Variants in C4orf50 observed in about 807,000 individuals in gnomAD.
The protein encoded by C4orf50 is chromosome 4 open reading frame 50.
Under a neutral mutation model 77.2 loss-of-function variants are expected in C4orf50, and 80 were observed. The ratio of observed to expected loss-of-function variants is 1.04; its 90% confidence interval spans 0.87 to 1.25. The LOEUF is 1.25. C4orf50 is among the 50% of genes most tolerant of loss of function. The pLI is 0.00. For synonymous variants in C4orf50, 532 were observed against 465.3 expected (o/e 1.14, Z -1.84); for missense variants, 1,257 against 1,152.9 (o/e 1.09, Z -1.31).
At chr4:5,983,565 C>A (rs1455082093) in intron 28 of C4orf50, among the ~76,000 whole-genome samples, 4 of 152,180 alleles carry the variant, frequency 2.6e-5, no homozygotes, top group Non-Finnish European at 5.9e-5. Context: ...TGGTATTGGA[C>A]AACTATAGAA....
intron 33 of C4orf50, among the ~76,000 whole-genome samples, chr4:5,962,598 C>A (rs768828394): frequency 6.6e-6 from 1 of 152,208 alleles, no homozygotes; most frequent in African/African-American, 2.4e-5. Flanking sequence ...ATCCAGGCCA[C>A]GCACCATCTG....
At chr4:5,960,154 C>A (rs1366059468) in intron 33 of C4orf50, among the ~76,000 whole-genome samples, 1 of 152,214 alleles carries the variant, frequency 6.6e-6, no homozygotes, top group Non-Finnish European at 1.5e-5. Flanking sequence ...ATTCTAAATG[C>A]CTTCATTAAA....
At chr4:5,981,593 G>A (rs1267179858) in intron 28 of C4orf50, among the ~76,000 whole-genome samples, 5 of 151,736 alleles carry the variant, frequency 3.3e-5, no homozygotes, top group Non-Finnish European at 7.4e-5. Flanking sequence ...TAGTAGAGAC[G>A]GGGTTTCTCC....
chr4:5,931,717 C>T (rs1044195453), intron 7 of C4orf50, among the ~76,000 whole-genome samples: 5 of 152,258 alleles, frequency 3.3e-5, no homozygotes, highest in South Asian at 4.1e-4. Context: ...TCTCGTTCAG[C>T]TCTGCCTCCT....
At chr4:5,969,634 G>C (rs986692041) in intron 31 of C4orf50, among the ~76,000 whole-genome samples, 3 of 152,050 alleles carry the variant, frequency 2.0e-5, no homozygotes, top group African/African-American at 7.2e-5. Context: ...TTGGGTGCCT[G>C]TGTGTGACAG....
At chr4:5,921,702 T>C (rs531367311) in intron 7 of C4orf50, among the ~76,000 whole-genome samples, 1 of 152,176 alleles carries the variant, frequency 6.6e-6, no homozygotes, top group Non-Finnish European at 1.5e-5. Flanking sequence ...GGTGGAAAGC[T>C]TCCATGCAAA....
chr4:5,965,061 T>A, exon 33 of C4orf50: 1 of 1,613,716 alleles, frequency 6.2e-7, no homozygotes, highest in South Asian at 1.1e-5. Flanking sequence ...TGCTGGCCAC[T>A]CCGGCTCGGG....
At chr4:6,002,653 C>T (rs561845591) in intron 25 of C4orf50, among the ~76,000 whole-genome samples, 3 of 152,316 alleles carry the variant, frequency 2.0e-5, no homozygotes, top group Admixed American at 1.3e-4. Context: ...CAGAGCTTCC[C>T]CCCACCAGGT....
downstream of C4orf50, among the ~76,000 whole-genome samples, chr4:5,956,325 G>C (rs1718955968): frequency 6.6e-6 from 1 of 152,152 alleles, no homozygotes; most frequent in Non-Finnish European, 1.5e-5. Context: ...AACTCAGAGG[G>C]CACTTCCTCC....
intron 30 of C4orf50, among the ~76,000 whole-genome samples, chr4:5,975,240 G>T (rs1488483531): frequency 6.6e-6 from 1 of 150,544 alleles, no homozygotes; most frequent in East Asian, 2.0e-4. Flanking sequence ...AAAGGAAGGG[G>T]CTTGAGCACA....
chr4:5,975,139 CA>C (rs763836859), intron 30 of C4orf50, among the ~76,000 whole-genome samples: 3 of 82,832 alleles, frequency 3.6e-5, no homozygotes, highest in African/African-American at 1.2e-4. Context: ...CACTCCATCT[CA>C]AAAAAAAAAA....
chr4:5,972,345 C>A (rs1286817002), intron 31 of C4orf50, among the ~76,000 whole-genome samples: 1 of 152,128 alleles, frequency 6.6e-6, no homozygotes, highest in Admixed American at 6.5e-5. Flanking sequence ...TATCAGGCCC[C>A]TAGTGGATCC....
chr4:5,935,216 T>C (rs1717953900), intron 7 of C4orf50, among the ~76,000 whole-genome samples: 1 of 152,222 alleles, frequency 6.6e-6, no homozygotes, highest in Admixed American at 6.5e-5. Flanking sequence ...AAGGCTGCCC[T>C]GGCCTCTGTA....
At position 5,970,557 on chromosome 4, in the gene C4orf50, C is replaced by G. The variant is rs906380159; in HGVS notation, c.4105-3095G>C. Among the ~76,000 whole-genome samples the G allele has an allele frequency of 3.3e-5, 5 of 152,142 alleles. No homozygotes were observed. Among genetic ancestry groups the G allele is most frequent in the Non-Finnish European group, 7.3e-5 (5 of 68,030 alleles). The stretch of plus-strand genomic sequence containing the variant: ...GCCAGCACAGACAGCGGTGCTGGGA[C>G]CCGTGGCCCCCAGCCCAACACCACA... On this transcript the variant is annotated intron_variant, in intron 31 of 33. Transcript: ENST00000531445. This position sits in a 1 kb window ranked among gnomAD's most constrained non-coding sequence, Gnocchi z 4.3.
exon 30 of C4orf50, chr4:5,975,919 A>G (rs751505083): frequency 6.2e-7 from 1 of 1,613,938 alleles, no homozygotes; most frequent in Admixed American, 1.7e-5. Flanking sequence ...GTCACTGCCA[A>G]CTTTGCTTCA....
chr4:5,930,359 T>C (rs560767738), intron 7 of C4orf50, among the ~76,000 whole-genome samples: 38 of 152,338 alleles, frequency 2.5e-4, no homozygotes, highest in Non-Finnish European at 3.8e-4. Flanking sequence ...GGATTAACCC[T>C]GACTTCCGGC....
rs1055531301 is a variant in C4orf50 at position 5,918,092 on chromosome 4, C to T, written c.*2475-19904G>A. Among the ~76,000 whole-genome samples the T allele has an allele frequency of 1.4e-4, 21 of 152,278 alleles. No homozygotes were observed. The East Asian group carries it at 1.7e-3, about 13-fold the overall frequency. On this transcript the variant is annotated intron_variant, in intron 7 of 7. Transcript: ENST00000324058. ...TGTCACTTCTGCTGTCAGGAAGCTC[C>T]GGGAAGAAGCCCTCAGAAACAGTAG...
rs546144981 is a variant in C4orf50 at position 6,003,064 on chromosome 4, A to T, written c.963+4932T>A. Among the ~76,000 whole-genome samples, 6 of 152,200 alleles carry T rather than the reference A, an allele frequency of 3.9e-5. No individual in the cohort carries two copies. In the East Asian group the frequency reaches 9.7e-4, roughly 25 times the overall value. On this transcript the variant is annotated intron_variant, in intron 25 of 33. Coordinates refer to ENST00000531445, the Ensembl canonical transcript of C4orf50. ...ACCCACCTGCTCTGCCCTGCAGCAG[A>T]CCTAGGTAAAGGCTCTCAGCTCCTT...
intron 7 of C4orf50, among the ~76,000 whole-genome samples, chr4:5,944,414 T>G (rs1718395799): frequency 6.6e-6 from 1 of 152,190 alleles, no homozygotes; most frequent in Non-Finnish European, 1.5e-5. Flanking sequence ...CTGTGCTCCC[T>G]GGCACCTTGG....
Sources: allele counts gnomAD v4.1 joint callset (sites outside exome capture counted in the v4.1 genomes callset), GRCh38; gene constraint gnomAD v4.1.1; non-coding constraint Gnocchi (gnomAD v3.1); transcripts MANE v1.5; gene names NCBI Gene and HGNC (gene_info 2026-07-23, HGNC 2026-07-21).